Variants in BAD observed in about 807,000 individuals in gnomAD.
BAD encodes the protein BCL2 associated agonist of cell death.
BAD carries 18 observed loss-of-function variants against 17.8 expected under a neutral mutation model. That is an observed-to-expected ratio of 1.01 (90% CI 0.70 to 1.50). BAD has a LOEUF of 1.50. BAD is among the 40% of genes most tolerant of loss of function. The pLI is 0.00. For missense variants in BAD, 294 were observed against 239.3 expected (o/e 1.23, Z -1.51); for synonymous variants, 112 against 91.5 (o/e 1.22, Z -1.28).
intron 2 of BAD, chr11:64,276,712 T>C (rs973508296): frequency 3.6e-6 from 2 of 559,324 alleles, no homozygotes; most frequent in Non-Finnish European, 6.3e-6. Context: ...AGGAGAGGGC[T>C]GGGGCAGGGC....
At chr11:64,280,181 A>T (rs188234250) in intron 2 of BAD, among the ~76,000 whole-genome samples, 1 of 150,750 alleles carries the variant, frequency 6.6e-6, no homozygotes, top group Non-Finnish European at 1.5e-5. Context: ...TTAGCTGGGC[A>T]TGGTGGCGGG....
rs942681127 is a variant in BAD, at chr11:64,276,615, C to T, written c.188-4812G>A. 4.6e-5 allele frequency: 14 copies of T among 304,454 alleles called. No homozygotes were observed. The East Asian group carries it at 7.1e-4, about 16-fold the overall frequency. 18.9% of individuals were successfully genotyped at this position (304,454 alleles called of 1,614,324 possible). ...GTGCTGGGATTACAGGCGTGAGCCA[C>T]GGTGCCCAGCCCTAAATTGAATTTT... is the stretch of plus-strand genomic sequence containing the variant. On this transcript the variant is annotated intron_variant, in intron 2 of 3. Transcript: ENST00000309032.
intron 2 of BAD, among the ~76,000 whole-genome samples, chr11:64,275,430 C>T (rs949794156): frequency 6.6e-6 from 1 of 152,190 alleles, no homozygotes; most frequent in Non-Finnish European, 1.5e-5. Flanking sequence ...CATTCTCCAA[C>T]CCTTTGGGGC....
intron 3 of BAD, among the ~76,000 whole-genome samples, chr11:64,270,928 CA>C (rs2032477385): frequency 8.3e-6 from 1 of 120,878 alleles, no homozygotes; most frequent in Admixed American, 8.1e-5. Flanking sequence ...CACACACACA[CA>C]CACGCCTGGA....
chr11:64,274,992 CAAA>C (rs34418386), intron 2 of BAD, among the ~76,000 whole-genome samples: 5 of 54,392 alleles, frequency 9.2e-5, no homozygotes, highest in South Asian at 9.0e-4. Context: ...GACTTTGTCT[CAAA>C]AAAAAAAAAA....
intron 2 of BAD, among the ~76,000 whole-genome samples, chr11:64,278,131 TTAAAA>T (rs2033190965): frequency 6.6e-6 from 1 of 151,902 alleles, no homozygotes; most frequent in Non-Finnish European, 1.5e-5. Flanking sequence ...TCTACAAAAA[TTAAAA>T]TAAAAAAATT....
rs2032379898 is a variant in BAD, at chr11:64,269,923, C to CGGTTAAAA, written c.*285_*286insTTTTAACC. 5.7e-6 allele frequency: 4 copies of CGGTTAAAA among 707,858 alleles called. No individual in the cohort carries two copies. Among genetic ancestry groups the CGGTTAAAA allele is most frequent in the Non-Finnish European group, 1.0e-5 (4 of 392,684 alleles). 43.8% of individuals were successfully genotyped at this position (707,858 alleles called of 1,614,324 possible). On this transcript the variant is annotated 3_prime_UTR_variant, in exon 4 of 4. Transcript: ENST00000309032. ...GGGTCCCGGTGACGCAACGGTTAAA[C>CGGTTAAAA]CTGGCTCGCGACTTAGCGCAGGCGC...
At chr11:64,270,420 T>A in intron 3 of BAD, 83 bp from the exon 4 acceptor site, 1 of 1,459,252 alleles carries the variant, frequency 6.9e-7, no homozygotes. Context: ...AGCCTTCCTC[T>A]AAGTGAGATC....
In BAD at chr11:64,279,873, C is replaced by T. The variant is rs538046856; in HGVS notation, c.187+4309G>A. Among the ~76,000 whole-genome samples the T allele has an allele frequency of 6.8e-4, 103 of 152,026 alleles. 1 individual carries two copies. The South Asian group carries it at 9.4e-3, about 14-fold the overall frequency. On this transcript the variant is annotated intron_variant, in intron 2 of 3. Transcript: ENST00000309032. ...TCCATTAAAAGCAACTTCATCCTAC[C>T]GGGTGCTCAAGCCAGATTCCTTGGT...
chr11:64,270,610 A>G (rs1821840691), intron 3 of BAD: 1 of 670,450 alleles, frequency 1.5e-6, no homozygotes, highest in Non-Finnish European at 2.7e-6. Flanking sequence ...CTGGAGACCT[A>G]GCACCCAGAA....
chr11:64,283,528 C>A (rs1591182015), intron 2 of BAD, among the ~76,000 whole-genome samples: 1 of 152,228 alleles, frequency 6.6e-6, no homozygotes, highest in African/African-American at 2.4e-5. Flanking sequence ...CTGTCTGCCC[C>A]TTGAGGTCAT....
intron 3 of BAD, chr11:64,270,587 G>GCT (rs1245503333): frequency 5.8e-6 from 4 of 694,436 alleles, no homozygotes; most frequent in Non-Finnish European, 1.0e-5. Flanking sequence ...GGCCCTAAAT[G>GCT]GAAAGGCCAG....
At position 64,271,731 on chromosome 11, in the gene BAD, C is replaced by G. The variant is rs1395085605; in HGVS notation, c.260G>C (p.Gly87Ala). 2.8e-6 allele frequency: 4 copies of G among 1,448,246 alleles called. No homozygotes were observed. Among genetic ancestry groups the G allele is most frequent in the South Asian group, 2.9e-5 (2 of 69,098 alleles). 89.7% of individuals were successfully genotyped at this position (1,448,246 alleles called of 1,614,324 possible). A position where few individuals can be genotyped will look rare whatever the true frequency, so the allele number is the denominator to read the frequency against. ...PAGTEDDEGM[G>A]EEPSPFRGRS... ...GCCCCGAAAGGGGCTGGGCTCCTCCCCCATCCCTTCGTCGTCCTCCGTCCC... is the reference window on the plus strand; with the variant it reads ...GCCCCGAAAGGGGCTGGGCTCCTCCGCCATCCCTTCGTCGTCCTCCGTCCC... The change falls in exon 3 of 4, where the codon GGG becomes GCG. Residue 87 changes from glycine to alanine, a missense_variant. Physicochemically the swap from Gly to Ala is moderately conservative, Grantham distance 60. Coordinates refer to ENST00000309032, the MANE Select transcript of BAD (RefSeq NM_032989.3).
At chr11:64,270,692 G>A (rs1464218415) in intron 3 of BAD, 39 of 524,394 alleles carry the variant, frequency 7.4e-5, no homozygotes, top group Non-Finnish European at 1.4e-4. Context: ...CACTTTGGGA[G>A]GTTGAAGCGG....
chr11:64,283,868 C>T (rs1292669580), intron 2 of BAD, among the ~76,000 whole-genome samples: 1 of 152,170 alleles, frequency 6.6e-6, no homozygotes, highest in East Asian at 1.9e-4. Flanking sequence ...CTTCTGGGCT[C>T]AAGCGATCCT....
rs757853078 is a variant in BAD, at chr11:64,284,373, T to C, written c.-5A>G. The C allele has an allele frequency of 4.3e-6, 7 of 1,612,734 alleles. No homozygotes were observed. The highest frequency in any genetic ancestry group is 5.9e-6 in the Non-Finnish European group (7 of 1,179,952). Reference sequence around the variant, plus strand: ...AAACTCTGGGATCTGGAACATGCTCTGGGCTGTGAGGACAAGATGTTACGT... The same window carrying C: ...AAACTCTGGGATCTGGAACATGCTCCGGGCTGTGAGGACAAGATGTTACGT... On this transcript the variant is annotated 5_prime_UTR_variant, in exon 2 of 4. Transcript: ENST00000309032.
At chr11:64,271,361 A>G (rs1333536405) in intron 3 of BAD, among the ~76,000 whole-genome samples, 1 of 112,258 alleles carries the variant, frequency 8.9e-6, no homozygotes, top group East Asian at 2.3e-4. Flanking sequence ...TAGACTACAG[A>G]TCCCAGCATG....
rs79963447 is a variant in BAD at position 64,270,475 on chromosome 11, C to T, written c.379-138G>A. 1.9e-4 allele frequency: 249 copies of T among 1,280,804 alleles called. No homozygotes were observed. In the African/African-American group the frequency reaches 3.2e-3, roughly 17 times the overall value. The allele number at this position is 1,280,804 out of a possible 1,614,324, so 79.3% of individuals were successfully genotyped here. A position where few individuals can be genotyped will look rare whatever the true frequency, so the allele number is the denominator to read the frequency against. ...CCACAACTCCCAGGAGGCTCCACGC[C>T]GGGCGGTCAGGGACGCTCGCGAGGA... On this transcript the variant is annotated intron_variant, in intron 3 of 3. Coordinates refer to ENST00000309032, the MANE Select transcript of BAD (RefSeq NM_032989.3).
In BAD at chr11:64,284,422, C is replaced by T. The variant is rs772530289; in HGVS notation, c.-8-46G>A. ...GTAGTCAAGGCACAGCTGGGGCCAACGGTGGCCCTGGAAGGCAGAGGCAGG... is the reference window on the plus strand; with the variant it reads ...GTAGTCAAGGCACAGCTGGGGCCAATGGTGGCCCTGGAAGGCAGAGGCAGG... On this transcript the variant is annotated intron_variant, in intron 1 of 3. Transcript: ENST00000309032. 1.2e-5 allele frequency: 19 copies of T among 1,608,414 alleles called. No individual in the cohort carries two copies. The East Asian group carries it at 3.6e-4, about 30-fold the overall frequency.
Sources: gnomAD v4.1 joint callset for allele counts (sites outside exome capture counted in the v4.1 genomes callset) on GRCh38, gnomAD v4.1.1 for gene constraint, MANE v1.5 for transcripts, NCBI Gene and HGNC (gene_info 2026-07-23, HGNC 2026-07-21) for gene names.